KCNIP4: variants seen among roughly 807,000 people sequenced by gnomAD.
The protein encoded by KCNIP4 is Kv channel-interacting protein 4.
In KCNIP4, 12 loss-of-function variants were observed where a neutral mutation model predicts 34.0. The ratio of observed to expected loss-of-function variants is 0.35; its 90% CI spans 0.23 to 0.57. The LOEUF is 0.57. KCNIP4 is among the 20% of genes least tolerant of loss of function. The probability of loss-of-function intolerance (pLI) is 0.83; values close to 1 mark genes in which losing one functional copy is unlikely to be tolerated. For synonymous variants in KCNIP4, 124 were observed against 102.2 expected, an observed-to-expected ratio of 1.21 and a Z score of -1.29; for missense variants, 238 against 311.7, an observed-to-expected ratio of 0.76 and a Z score of 1.78.
chr4:21,217,953 C>T (rs1025444817), intron 1 of KCNIP4, among the ~76,000 whole-genome samples: 1 of 150,292 alleles, frequency 6.7e-6, no homozygotes, highest in Non-Finnish European at 1.5e-5. Context: ...CTCATTGTGT[C>T]CAAAGTAGCT....
At chr4:21,192,384 T>C (rs1484199362) in intron 1 of KCNIP4, among the ~76,000 whole-genome samples, 1 of 152,214 alleles carries the variant, frequency 6.6e-6, no homozygotes, top group African/African-American at 2.4e-5. Flanking sequence ...TTGAAATTGA[T>C]AGTAATTTGT....
chr4:20,876,718 A>G (rs949143751), intron 2 of KCNIP4, among the ~76,000 whole-genome samples: 3 of 151,974 alleles, frequency 2.0e-5, no homozygotes, highest in Admixed American at 1.3e-4. Context: ...GGGACTACAG[A>G]CGTGCCACCA....
chr4:21,431,722 G>C (rs1318137840), intron 1 of KCNIP4, among the ~76,000 whole-genome samples: 2 of 151,822 alleles, frequency 1.3e-5, no homozygotes, highest in Non-Finnish European at 2.9e-5. Flanking sequence ...TGAATTCCAA[G>C]ATAGATTAAT....
chr4:21,174,525 C>T lies in KCNIP4; in HGVS notation c.62-291816G>A, dbSNP rs1457826980. Among the ~76,000 whole-genome samples the T allele has an allele frequency of 2.6e-5, 4 of 152,164 alleles. No individual in the cohort carries two copies. In the East Asian group the frequency reaches 7.7e-4, roughly 29 times the overall value. On this transcript the variant is annotated intron_variant, in intron 1 of 8. Transcript: ENST00000382152. The stretch of plus-strand genomic sequence containing the variant: ...TTAGTTTCACTCTTTATTTCATTAA[C>T]TACTTTGACTTAAGCTGGTCTCTTT...
intron 1 of KCNIP4, among the ~76,000 whole-genome samples, chr4:21,477,795 T>A (rs1032803573): frequency 1.3e-5 from 2 of 152,142 alleles, no homozygotes; most frequent in Non-Finnish European, 2.9e-5. Context: ...GGGGACTTAT[T>A]CTCCCAGCTC....
chr4:20,921,096 C>T (rs562054060), intron 1 of KCNIP4, among the ~76,000 whole-genome samples: 3 of 152,258 alleles, frequency 2.0e-5, no homozygotes, highest in South Asian at 4.1e-4. Flanking sequence ...GTTGTTTCTA[C>T]AGTCCAGTTA....
intron 1 of KCNIP4, among the ~76,000 whole-genome samples, chr4:21,630,905 A>T (rs1196586682): frequency 6.6e-6 from 1 of 152,182 alleles, no homozygotes; most frequent in African/African-American, 2.4e-5. Flanking sequence ...TTCAGAAATA[A>T]CAAATCCCAT....
At chr4:21,698,435 C>T (rs1014922268) in intron 1 of KCNIP4, among the ~76,000 whole-genome samples, 1 of 152,150 alleles carries the variant, frequency 6.6e-6, no homozygotes, top group Non-Finnish European at 1.5e-5. Context: ...CATCTCCCTA[C>T]CAATCAACTT....
intron 1 of KCNIP4, among the ~76,000 whole-genome samples, chr4:21,619,439 G>T (rs532689870): frequency 2.6e-5 from 4 of 152,190 alleles, no homozygotes; most frequent in Non-Finnish European, 5.9e-5. Flanking sequence ...CATAAGTTTT[G>T]ATCATATCCT....
At chr4:21,634,467 G>T (rs914312298) in intron 1 of KCNIP4, among the ~76,000 whole-genome samples, 1 of 152,046 alleles carries the variant, frequency 6.6e-6, no homozygotes, top group Non-Finnish European at 1.5e-5. Flanking sequence ...GATCTTCAGA[G>T]ATCATACTGT....
In KCNIP4 at chr4:21,296,392, G is replaced by GTC. The variant is rs575878736; in HGVS notation, c.62-413685_62-413684dup. On this transcript the variant is annotated intron_variant, in intron 1 of 8. Coordinates refer to ENST00000382152, the MANE Select transcript of KCNIP4 (RefSeq NM_025221.6). ...TTTTGGTTTAAGGCATTGAGCTGTG[G>GTC]TCTCTCTCTCTCTCTCTTTTTTTTT... Among the ~76,000 whole-genome samples the GTC allele has an allele frequency of 6.2e-4, 93 of 150,584 alleles. No homozygotes were observed. The South Asian group carries it at 0.016, about 26-fold the overall frequency.
At chr4:21,315,540 G>C (rs922506416) in intron 1 of KCNIP4, among the ~76,000 whole-genome samples, 2 of 152,136 alleles carry the variant, frequency 1.3e-5, no homozygotes, top group African/African-American at 4.8e-5. Flanking sequence ...TCAACTGTGG[G>C]GGGGCCAGTG....
intron 1 of KCNIP4, among the ~76,000 whole-genome samples, chr4:20,905,422 C>T (rs911286693): frequency 9.9e-5 from 15 of 151,152 alleles, no homozygotes; most frequent in Admixed American, 2.6e-4. Context: ...AAATCTAATT[C>T]GAATCAAGAG....
intron 1 of KCNIP4, among the ~76,000 whole-genome samples, chr4:21,226,321 G>GGGAAGGGAAGGAAGGGAA (rs376265664): frequency 4.9e-5 from 6 of 123,680 alleles, no homozygotes; most frequent in African/African-American, 2.1e-4. Flanking sequence ...AGGAAAGAAA[G>GGGAAGGGAAGGAAGGGAA]GGAAGGGAAG....
At chr4:21,655,790 T>C (rs1747874172) in intron 1 of KCNIP4, among the ~76,000 whole-genome samples, 1 of 152,224 alleles carries the variant, frequency 6.6e-6, no homozygotes, top group Non-Finnish European at 1.5e-5. Context: ...TGTTTGTCAT[T>C]AAGTGCATTT....
At chr4:20,746,803 C>G (rs528179710) in intron 5 of KCNIP4, among the ~76,000 whole-genome samples, 1 of 152,258 alleles carries the variant, frequency 6.6e-6, no homozygotes, top group Non-Finnish European at 1.5e-5. Context: ...CATATTTCTT[C>G]TGCCTTTCAG....
rs138659592 is a variant in KCNIP4, at chr4:21,349,933, C to T, written c.62-467224G>A. On this transcript the variant is annotated intron_variant, in intron 1 of 8. Transcript: ENST00000382152. ...AAACTTATGTTTCTGTGCTGATTTACGTAATGGAGTTTCTCATCTAGAAAA... is the reference window on the plus strand; with the variant it reads ...AAACTTATGTTTCTGTGCTGATTTATGTAATGGAGTTTCTCATCTAGAAAA... 1.4e-3 allele frequency among the ~76,000 whole-genome samples: 207 copies of T among 152,222 alleles called. 1 individual carries two copies. Among genetic ancestry groups the T allele is most frequent in the African/African-American group, 4.0e-3 (167 of 41,536 alleles).
intron 3 of KCNIP4, among the ~76,000 whole-genome samples, chr4:20,796,105 T>C (rs1713418360): frequency 6.6e-6 from 1 of 152,198 alleles, no homozygotes; most frequent in Non-Finnish European, 1.5e-5. Context: ...AAATAAAGAC[T>C]AGGAAAATGT....
At chr4:21,049,265 A>G (rs2108943004) in intron 1 of KCNIP4, among the ~76,000 whole-genome samples, 1 of 152,238 alleles carries the variant, frequency 6.6e-6, no homozygotes, top group Admixed American at 6.5e-5. Flanking sequence ...CCTTCTGTTT[A>G]TCTTATGTGA....
Sources: allele counts gnomAD v4.1 joint callset (sites outside exome capture counted in the v4.1 genomes callset), GRCh38; gene constraint gnomAD v4.1.1; transcripts MANE v1.5; gene names NCBI Gene and HGNC (gene_info 2026-07-23, HGNC 2026-07-21).